The following KANSL1L variants were observed in gnomAD, a reference collection of about 807,000 sequenced individuals.
KANSL1L encodes the protein KAT8 regulatory NSL complex subunit 1 like, also known as KAT8 regulatory NSL complex subunit 1-like protein.
KANSL1L carries 25 observed loss-of-function variants against 108.6 expected under a neutral mutation model. That is an observed-to-expected ratio of 0.23 (90% CI 0.17 to 0.32). KANSL1L has a LOEUF of 0.32. Among genes scored for constraint, KANSL1L ranks in the 10% least tolerant of loss-of-function variants. The probability of loss-of-function intolerance (pLI) is 1.00; values close to 1 mark genes in which losing one functional copy is unlikely to be tolerated. For synonymous variants in KANSL1L, 405 were observed against 395.1 expected (o/e 1.03, Z -0.30); for missense variants, 1,137 against 1,125.7 (o/e 1.01, Z -0.14).
At chr2:210,170,479 G>T in intron 1 of KANSL1L, 1 of 675,588 alleles carries the variant, frequency 1.5e-6, no homozygotes, top group Non-Finnish European at 1.8e-6. Context: ...CCAGGATACC[G>T]CCTGGTATTT....
Position 210,029,844 on chromosome 2 carries a change from A to G in KANSL1L, c.2230T>C (p.Ser744Pro), listed in dbSNP as rs764337490. 1 of 1,607,012 alleles carries G rather than the reference A, an allele frequency of 6.2e-7. No individual in the cohort carries two copies. Among genetic ancestry groups the G allele is most frequent in the African/African-American group, 1.3e-5 (1 of 74,908 alleles). ...SGSHSNFTAV[S>P]NVNVLSRIQN... ...ATTCTTGATAAAACGTTGACATTGGAAACAGCAGTAAAATTGCTATGGGAT... is the reference window on the plus strand; with the variant it reads ...ATTCTTGATAAAACGTTGACATTGGGAACAGCAGTAAAATTGCTATGGGAT... The change falls in exon 10 of 15, where the codon TCC (serine) becomes CCC (proline). Residue 744 changes from serine (S) to proline (P), a missense_variant. Physicochemically the swap from Ser to Pro is moderately conservative, Grantham distance 74 (BLOSUM62 -1). Transcript: ENST00000281772.
In KANSL1L at chr2:210,040,538, AAAAT is replaced by A; in HGVS notation, c.1922-15_1922-12del. 2 of 1,304,424 alleles carry A rather than the reference AAAAT, an allele frequency of 1.5e-6. No individual in the cohort carries two copies. The highest frequency in any genetic ancestry group is 2.8e-5 in the South Asian group (2 of 71,330). 80.8% of individuals were successfully genotyped at this position (1,304,424 alleles called of 1,614,324 possible). A position where few individuals can be genotyped will look rare whatever the true frequency, so the allele number is the denominator to read the frequency against. On this transcript the variant is annotated splice_polypyrimidine_tract_variant and intron_variant, in intron 7 of 14. Transcript: ENST00000281772. ...AATGAAGAGGCACATCTGGAAAAAT[AAAAT>A]AAAAAAGGTATTTTCAAATACCACT...
At chr2:210,034,934 T>C (rs183142596) in intron 8 of KANSL1L, among the ~76,000 whole-genome samples, 1 of 152,210 alleles carries the variant, frequency 6.6e-6, no homozygotes, top group Non-Finnish European at 1.5e-5. Flanking sequence ...TAACATCGTA[T>C]CACATTTGCT....
chr2:210,167,016 C>G (rs753964627), intron 1 of KANSL1L, among the ~76,000 whole-genome samples: 5 of 151,780 alleles, frequency 3.3e-5, no homozygotes, highest in Non-Finnish European at 5.9e-5. Context: ...GAGACACTGT[C>G]TCTACAAAAA....
Position 210,087,245 on chromosome 2 carries a change from G to A in KANSL1L, c.1550+10841C>T, listed in dbSNP as rs77575646. Among the ~76,000 whole-genome samples the A allele has an allele frequency of 8.3e-3, 1,260 of 152,100 alleles. 21 individuals are homozygous for A. The highest frequency in any genetic ancestry group is 0.029 in the African/African-American group (1,186 of 41,498). ...TTCCTATGTTGCCCAAGCTGGATTT[G>A]AACTGCTGGTGATCCTCCTGCATCA... is the stretch of plus-strand genomic sequence containing the variant. On this transcript the variant is annotated intron_variant, in intron 5 of 14. Coordinates refer to ENST00000281772, the MANE Select transcript of KANSL1L (RefSeq NM_152519.4).
chr2:210,067,299 T>C (rs2094473163), intron 6 of KANSL1L, among the ~76,000 whole-genome samples: 1 of 152,174 alleles, frequency 6.6e-6, no homozygotes, highest in Non-Finnish European at 1.5e-5. Context: ...CTCTTATATA[T>C]CTATATATAT....
intron 2 of KANSL1L, among the ~76,000 whole-genome samples, chr2:210,147,262 C>T (rs1484752641): frequency 2.0e-5 from 3 of 152,076 alleles, no homozygotes; most frequent in African/African-American, 7.2e-5. Flanking sequence ...GAATTCAAGA[C>T]CATCCTGGGC....
At chr2:210,079,646 A>ATATATATATATATGTG (rs2094570359) in intron 5 of KANSL1L, among the ~76,000 whole-genome samples, 5 of 13,128 alleles carry the variant, frequency 3.8e-4, no homozygotes, top group Non-Finnish European at 5.2e-4. Context: ...ATATATATAT[A>ATATATATATATATGTG]TATATATATA....
At chr2:210,082,633 C>T (rs2094599295) in intron 5 of KANSL1L, among the ~76,000 whole-genome samples, 1 of 152,146 alleles carries the variant, frequency 6.6e-6, no homozygotes, top group Non-Finnish European at 1.5e-5. Flanking sequence ...ATATGTCCTG[C>T]CCTTTGCTTC....
intron 5 of KANSL1L, among the ~76,000 whole-genome samples, chr2:210,090,690 C>A (rs976989237): frequency 2.0e-5 from 3 of 151,990 alleles, no homozygotes; most frequent in Non-Finnish European, 4.4e-5. Flanking sequence ...TACCACCATG[C>A]CCAGCTAATT....
chr2:210,105,576 A>G (rs1164121165), intron 3 of KANSL1L, among the ~76,000 whole-genome samples: 1 of 151,690 alleles, frequency 6.6e-6, no homozygotes, highest in African/African-American at 2.4e-5. Flanking sequence ...CTTATTTATA[A>G]GATGGAAATT....
At chr2:210,047,669 A>C (rs1196892179) in intron 6 of KANSL1L, among the ~76,000 whole-genome samples, 1 of 152,240 alleles carries the variant, frequency 6.6e-6, no homozygotes. Flanking sequence ...ATCTAAATCC[A>C]GTATCAGAAT....
intron 5 of KANSL1L, among the ~76,000 whole-genome samples, chr2:210,080,752 A>G (rs1271206955): frequency 6.6e-6 from 1 of 152,138 alleles, no homozygotes; most frequent in Non-Finnish European, 1.5e-5. Context: ...ATTCATGTCA[A>G]ACATAAATTT....
chr2:210,145,001 G>A (rs1401130925), intron 2 of KANSL1L, among the ~76,000 whole-genome samples: 1 of 152,178 alleles, frequency 6.6e-6, no homozygotes, highest in Non-Finnish European at 1.5e-5. Context: ...TGGGTGTGAG[G>A]ACACCAGCTG....
chr2:210,169,837 C>T (rs1688224332), intron 1 of KANSL1L, among the ~76,000 whole-genome samples: 1 of 152,116 alleles, frequency 6.6e-6, no homozygotes, highest in Non-Finnish European at 1.5e-5. Context: ...TTTATATTTC[C>T]CCAACATGTG....
intron 1 of KANSL1L, among the ~76,000 whole-genome samples, chr2:210,162,096 C>T (rs1253913720): frequency 6.8e-6 from 1 of 148,122 alleles, no homozygotes; most frequent in Non-Finnish European, 1.5e-5. Flanking sequence ...TATACACACA[C>T]ACACATATAT....
chr2:210,124,255 G>A (rs2095046374), intron 3 of KANSL1L, among the ~76,000 whole-genome samples: 1 of 151,994 alleles, frequency 6.6e-6, no homozygotes, highest in Admixed American at 6.6e-5. Flanking sequence ...CATATGTTAG[G>A]CCAAATATTA....
intron 3 of KANSL1L, among the ~76,000 whole-genome samples, chr2:210,104,839 G>A (rs2094830508): frequency 6.6e-6 from 1 of 152,118 alleles, no homozygotes. Context: ...CCAGGGATAG[G>A]ACTGCACCAC....
In KANSL1L at chr2:210,043,833, T is replaced by C. The variant is rs987252548; in HGVS notation, c.1921+106A>G. ...GGCATTGCTTAGTTCTAATATCTAC[T>C]GAAAAAAAATTGATAAAATAAGATT... On this transcript the variant is annotated intron_variant, in intron 7 of 14. Coordinates refer to ENST00000281772, the MANE Select transcript of KANSL1L (RefSeq NM_152519.4). The C allele has an allele frequency of 1.2e-5, 9 of 780,000 alleles. No individual in the cohort carries two copies. The African/African-American group carries it at 1.3e-4, about 11-fold the overall frequency. 48.3% of individuals were successfully genotyped at this position (780,000 alleles called of 1,614,324 possible).
Sources: allele counts gnomAD v4.1 joint callset (sites outside exome capture counted in the v4.1 genomes callset), GRCh38; gene constraint gnomAD v4.1.1; transcripts MANE v1.5; gene names NCBI Gene and HGNC (gene_info 2026-07-23, HGNC 2026-07-21).